The following SINHCAF variants were observed in gnomAD, a reference collection of about 807,000 sequenced individuals.
SINHCAF encodes SIN3-HDAC complex-associated factor.
In SINHCAF, 3 loss-of-function variants were observed where a neutral mutation model predicts 25.8. The observed-to-expected ratio is 0.12, with a 90% CI of 0.05 to 0.30. The LOEUF (loss-of-function observed/expected upper bound fraction) is 0.30. SINHCAF is among the 10% of genes least tolerant of loss of function. SINHCAF has a pLI of 1.00. For missense variants in SINHCAF, 121 were observed against 262.3 expected, an observed-to-expected ratio of 0.46 and a Z score of 3.72; for synonymous variants, 70 against 85.5, an observed-to-expected ratio of 0.82 and a Z score of 1.00.
In SINHCAF at chr12:31,282,252, C is replaced by CTT. The variant is rs1267749705; in HGVS notation, c.*459_*460insAA. On this transcript the variant is annotated 3_prime_UTR_variant, in exon 6 of 6. Transcript: ENST00000337682. ...CACTTTACAGCAGCATTCAGCTTTC[C>CTT]TATGAAATACTCAGCATCTTAAATA... is the stretch of plus-strand genomic sequence containing the variant. 1 of 152,542 alleles carries CTT rather than the reference C, an allele frequency of 6.6e-6. No homozygotes were observed. The highest frequency in any genetic ancestry group is 1.9e-4 in the East Asian group (1 of 5,196). 9.4% of individuals were successfully genotyped at this position (152,542 alleles called of 1,614,324 possible).
intron 4 of SINHCAF, 71 bp from the exon 5 acceptor site, chr12:31,287,855 A>G: frequency 2.7e-6 from 3 of 1,100,170 alleles, no homozygotes; most frequent in Non-Finnish European, 3.8e-6. Context: ...AAACCTCAGC[A>G]TAAGACACTG....
chr12:31,306,773 C>T (rs1183278911), intron 1 of SINHCAF, among the ~76,000 whole-genome samples: 1 of 152,180 alleles, frequency 6.6e-6, no homozygotes, highest in Non-Finnish European at 1.5e-5. Context: ...AGGTTAAATA[C>T]CCTCTCTCTT....
At chr12:31,290,407 C>A (rs896914013) in intron 4 of SINHCAF, among the ~76,000 whole-genome samples, 1 of 152,108 alleles carries the variant, frequency 6.6e-6, no homozygotes. Flanking sequence ...TGTGAGCCAC[C>A]ACACCCAGTC....
intron 1 of SINHCAF, chr12:31,311,645 A>C: frequency 2.6e-6 from 1 of 391,282 alleles, no homozygotes; most frequent in Non-Finnish European, 5.0e-6. Context: ...GCTTTAACTG[A>C]GAGAGCAGAT....
intron 4 of SINHCAF, among the ~76,000 whole-genome samples, chr12:31,290,876 C>T (rs1414586651): frequency 1.3e-5 from 2 of 152,156 alleles, no homozygotes; most frequent in Admixed American, 6.5e-5. Flanking sequence ...TGCACCACCA[C>T]GCCCAGCTAA....
intron 3 of SINHCAF, 133 bp from the exon 4 acceptor site, chr12:31,294,064 A>G (rs765772911): frequency 1.7e-6 from 1 of 596,270 alleles, no homozygotes; most frequent in Non-Finnish European, 2.8e-6. Flanking sequence ...TGCACCTTTA[A>G]TCATCACATG....
chr12:31,310,559 G>A (rs1939225165), intron 1 of SINHCAF, among the ~76,000 whole-genome samples: 1 of 152,154 alleles, frequency 6.6e-6, no homozygotes, highest in Non-Finnish European at 1.5e-5. Flanking sequence ...AAGAGGTTAA[G>A]TGTTACCATT....
Position 31,325,369 on chromosome 12 carries a change from T to C in SINHCAF, c.-21+655A>G, listed in dbSNP as rs756031411. 2.4e-4 allele frequency: 95 copies of C among 389,132 alleles called. No individual in the cohort carries two copies. The highest frequency in any genetic ancestry group is 1.7e-3 in the African/African-American group (80 of 47,972). 24.1% of individuals were successfully genotyped at this position (389,132 alleles called of 1,614,324 possible). ...TTGTCGCATCCGCATCCCTCCGGAGTTGAGCAAACAACGCCACGCCGCGTG... is the reference window on the plus strand; with the variant it reads ...TTGTCGCATCCGCATCCCTCCGGAGCTGAGCAAACAACGCCACGCCGCGTG... On this transcript the variant is annotated intron_variant, in intron 1 of 5. Coordinates refer to ENST00000337682, the MANE Select transcript of SINHCAF (RefSeq NM_001135812.2). The surrounding 1 kb of genome is among the most constrained non-coding windows in gnomAD (Gnocchi z 5.9).
intron 1 of SINHCAF, among the ~76,000 whole-genome samples, chr12:31,314,266 C>T (rs1399085905): frequency 6.6e-6 from 1 of 152,064 alleles, no homozygotes; most frequent in Non-Finnish European, 1.5e-5. Flanking sequence ...TGGCTCACGC[C>T]TGTAATCCCA....
intron 1 of SINHCAF, among the ~76,000 whole-genome samples, chr12:31,308,408 T>A (rs1939122357): frequency 6.6e-6 from 1 of 152,152 alleles, no homozygotes; most frequent in Admixed American, 6.5e-5. Flanking sequence ...CTCTAAGCTA[T>A]TTTTTAGTAG....
intron 1 of SINHCAF, among the ~76,000 whole-genome samples, chr12:31,321,410 C>G (rs1442911178): frequency 2.0e-5 from 3 of 152,182 alleles, no homozygotes; most frequent in Non-Finnish European, 4.4e-5. Context: ...GGACCAAAGA[C>G]ACTCATTCTT....
At position 31,287,619 on chromosome 12, in the gene SINHCAF, C is replaced by CT. The variant is rs1358074352; in HGVS notation, c.506+14dup. On this transcript the variant is annotated intron_variant, in intron 5 of 5. Transcript: ENST00000337682. Reference sequence around the variant, plus strand: ...AGATGGTTTGCTGGTTAGAGAGATACTTTGTTTCTTTTACCTTTTCCAGTA... The same window carrying CT: ...AGATGGTTTGCTGGTTAGAGAGATACTTTTGTTTCTTTTACCTTTTCCAGTA... 1 of 1,571,222 alleles carries CT rather than the reference C, an allele frequency of 6.4e-7. No homozygotes were observed. The highest frequency in any genetic ancestry group is 1.7e-5 in the Admixed American group (1 of 57,564).
At chr12:31,309,193 T>G (rs981838694) in intron 1 of SINHCAF, among the ~76,000 whole-genome samples, 7 of 150,678 alleles carry the variant, frequency 4.6e-5, no homozygotes, top group Admixed American at 4.6e-4. Context: ...GACAGGTGTA[T>G]GAAGGTTAAG....
At chr12:31,301,368 T>G (rs919133919) in intron 1 of SINHCAF, among the ~76,000 whole-genome samples, 1 of 152,182 alleles carries the variant, frequency 6.6e-6, no homozygotes, top group African/African-American at 2.4e-5. Flanking sequence ...TATAGTTCCG[T>G]GACCTTACTT....
chr12:31,284,076 T>C (rs1425170486), intron 5 of SINHCAF, among the ~76,000 whole-genome samples: 1 of 152,216 alleles, frequency 6.6e-6, no homozygotes, highest in Non-Finnish European at 1.5e-5. Flanking sequence ...TACTAGTTTA[T>C]ATTGCTGGCA....
intron 1 of SINHCAF, among the ~76,000 whole-genome samples, chr12:31,317,765 G>A (rs1331258652): frequency 1.3e-5 from 2 of 152,128 alleles, no homozygotes; most frequent in Non-Finnish European, 2.9e-5. Flanking sequence ...CACTCCATGG[G>A]AGAGACTACG....
chr12:31,323,601 T>A (rs1028135616), intron 1 of SINHCAF, among the ~76,000 whole-genome samples: 1 of 152,054 alleles, frequency 6.6e-6, no homozygotes, highest in Non-Finnish European at 1.5e-5. Context: ...AGAAACTGAC[T>A]AGGGTCATAG....
chr12:31,300,596 A>G (rs2137098879), intron 1 of SINHCAF, among the ~76,000 whole-genome samples: 1 of 152,322 alleles, frequency 6.6e-6, no homozygotes, highest in East Asian at 1.9e-4. Flanking sequence ...CAATCCAACA[A>G]CAAACCCATA....
At position 31,314,507 on chromosome 12, in the gene SINHCAF, C is replaced by A. The variant is rs369185896; in HGVS notation, c.-21+11517G>T. 2.7e-3 allele frequency among the ~76,000 whole-genome samples: 407 copies of A among 151,126 alleles called. 1 individual carries two copies. Among genetic ancestry groups the A allele is most frequent in the African/African-American group, 9.3e-3 (381 of 41,100 alleles). On this transcript the variant is annotated intron_variant, in intron 1 of 5. Transcript: ENST00000337682. The stretch of plus-strand genomic sequence containing the variant: ...CGCCATTGCACTCCAGCCTGGGCAA[C>A]AGAGCGAGACTCCGTCTCAAAAAAA...
Sources: allele counts gnomAD v4.1 joint callset (sites outside exome capture counted in the v4.1 genomes callset), GRCh38; gene constraint gnomAD v4.1.1; non-coding constraint Gnocchi (gnomAD v3.1); transcripts MANE v1.5; gene names NCBI Gene and HGNC (gene_info 2026-07-23, HGNC 2026-07-21).